The following MICOS10 variants were observed in gnomAD, a reference collection of about 807,000 sequenced individuals.
The protein encoded by MICOS10 is mitochondrial contact site and cristae organizing system subunit 10.
In MICOS10, 5 loss-of-function variants were observed where a neutral mutation model predicts 13.4. That is an observed-to-expected ratio of 0.37 (90% CI 0.20 to 0.78). The LOEUF (loss-of-function observed/expected upper bound fraction) is 0.78. Among genes scored for constraint, MICOS10 ranks in the 30% least tolerant of loss-of-function variants. The pLI is 0.47. For synonymous variants in MICOS10, 35 were observed against 33.6 expected, an observed-to-expected ratio of 1.04 and a Z score of -0.15; for missense variants, 101 against 94.6, an observed-to-expected ratio of 1.07 and a Z score of -0.28.
In MICOS10 at chr1:19,623,486, C is replaced by CATT. The variant is rs2094911488; in HGVS notation, c.127_129dup (p.Leu43dup). 4 of 1,610,592 alleles carry CATT rather than the reference C, an allele frequency of 2.5e-6. No homozygotes were observed. Among genetic ancestry groups the CATT allele is most frequent in the Non-Finnish European group, 3.4e-6 (4 of 1,178,470 alleles). ...TTTTGCTCACTAGGAAGAATGTGGCCATTAGCCTTCGGTTCTGGCATGGGA... is the reference window on the plus strand; with the variant it reads ...TTTTGCTCACTAGGAAGAATGTGGCCATTATTAGCCTTCGGTTCTGGCATGGGA... On this transcript the variant is annotated inframe_insertion, in exon 3 of 4. Coordinates refer to ENST00000322753, the MANE Select transcript of MICOS10 (RefSeq NM_001032363.4).
At chr1:19,614,079 T>G (rs2094874059) in intron 1 of MICOS10, among the ~76,000 whole-genome samples, 1 of 152,130 alleles carries the variant, frequency 6.6e-6, no homozygotes, top group South Asian at 2.1e-4. Context: ...ATATTTTATT[T>G]ATTTATTTAT....
At chr1:19,608,413 A>T in intron 1 of MICOS10, 1 of 1,259,170 alleles carries the variant, frequency 7.9e-7, no homozygotes, top group Non-Finnish European at 1.2e-6. Context: ...TCCGGGCCAC[A>T]GGAGGAAATA....
At chr1:19,597,230 C>T (rs1046183100) in intron 1 of MICOS10, 121 bp downstream of exon 1, 10 of 1,121,180 alleles carry the variant, frequency 8.9e-6, no homozygotes, top group Non-Finnish European at 1.1e-5. Context: ...CTTTTCCGGC[C>T]CCTCCGGCCA....
At chr1:19,620,921 TGA>T (rs916889719) in intron 1 of MICOS10, among the ~76,000 whole-genome samples, 1 of 152,230 alleles carries the variant, frequency 6.6e-6, no homozygotes, top group African/African-American at 2.4e-5. Flanking sequence ...TTGGGGCTTT[TGA>T]TTTCTTTGCC....
rs1479740162 is a variant in MICOS10 at position 19,627,029 on chromosome 1, C to T, written c.*628C>T. On this transcript the variant is annotated 3_prime_UTR_variant, in exon 4 of 4. Coordinates refer to ENST00000322753, the MANE Select transcript of MICOS10 (RefSeq NM_001032363.4). ...CCCACTCCATTGAAGTCAAGTCCTG[C>T]AGCTTCATAGAGCTTGAGACAGTCC... The T allele has an allele frequency of 6.5e-6, 1 of 153,494 alleles. No individual in the cohort carries two copies. Among genetic ancestry groups the T allele is most frequent in the Non-Finnish European group, 1.5e-5 (1 of 68,902 alleles). 9.5% of individuals were successfully genotyped at this position (153,494 alleles called of 1,614,324 possible).
chr1:19,604,368 GTGTGGTGGTACGCACC>G (rs1398297328), intron 1 of MICOS10, among the ~76,000 whole-genome samples: 1 of 152,226 alleles, frequency 6.6e-6, no homozygotes, highest in East Asian at 1.9e-4. Context: ...AATTAGCCAG[GTGTGGTGGTACGCACC>G]TGTAGTCCCA....
intron 1 of MICOS10, chr1:19,600,839 G>A (rs1558336318): frequency 2.7e-5 from 34 of 1,246,466 alleles, no homozygotes; most frequent in East Asian, 5.6e-5. Context: ...GGGTCCAAAC[G>A]ATCCACCTAC....
intron 1 of MICOS10, chr1:19,608,726 G>A: frequency 1.9e-6 from 1 of 540,152 alleles, no homozygotes; most frequent in Non-Finnish European, 3.3e-6. Flanking sequence ...TGATATACTG[G>A]ATTTGATAAA....
intron 1 of MICOS10, among the ~76,000 whole-genome samples, chr1:19,602,552 C>G (rs1443620115): frequency 6.6e-6 from 1 of 152,076 alleles, no homozygotes; most frequent in Non-Finnish European, 1.5e-5. Flanking sequence ...AGTGCCAAAG[C>G]CTTATTGCAG....
intron 1 of MICOS10, among the ~76,000 whole-genome samples, chr1:19,613,307 A>G (rs934054081): frequency 6.6e-6 from 1 of 152,220 alleles, no homozygotes; most frequent in African/African-American, 2.4e-5. Context: ...TAAAGTACAC[A>G]TCTGATATAT....
intron 1 of MICOS10, among the ~76,000 whole-genome samples, chr1:19,604,974 C>T (rs1048883939): frequency 3.3e-5 from 5 of 152,142 alleles, no homozygotes; most frequent in East Asian, 1.9e-4. Flanking sequence ...AGCACTTAAC[C>T]GCATGCCAGG....
chr1:19,625,575 T>C, intron 3 of MICOS10: 2 of 1,289,420 alleles, frequency 1.6e-6, no homozygotes, highest in South Asian at 2.5e-5. Flanking sequence ...CTCCTCGCTT[T>C]CCTGGCATCA....
chr1:19,618,114 T>C (rs2094890899), intron 1 of MICOS10, among the ~76,000 whole-genome samples: 1 of 146,740 alleles, frequency 6.8e-6, no homozygotes, highest in Admixed American at 6.9e-5. Flanking sequence ...ATACTACACT[T>C]TTTTTTTTTT....
intron 1 of MICOS10, among the ~76,000 whole-genome samples, chr1:19,606,498 C>T (rs187791989): frequency 1.3e-5 from 2 of 152,242 alleles, no homozygotes; most frequent in Admixed American, 6.5e-5. Context: ...GTAATCCCAG[C>T]GCTTTGGGAG....
intron 1 of MICOS10, among the ~76,000 whole-genome samples, chr1:19,600,143 G>T (rs528106360): frequency 1.3e-5 from 2 of 152,292 alleles, no homozygotes; most frequent in South Asian, 4.1e-4. Flanking sequence ...ATTTTAGTAT[G>T]ATTGTTCTGG....
chr1:19,599,204 G>A (rs2094804575), intron 1 of MICOS10, among the ~76,000 whole-genome samples: 1 of 152,082 alleles, frequency 6.6e-6, no homozygotes, highest in Non-Finnish European at 1.5e-5. Context: ...CTATAGGTGT[G>A]TGCCACCATG....
rs1039686516 is a variant in MICOS10 at position 19,627,287 on chromosome 1, C to T, written c.*886C>T. 1.3e-5 allele frequency: 2 copies of T among 152,204 alleles called. No homozygotes were observed. Among genetic ancestry groups the T allele is most frequent in the Non-Finnish European group, 2.9e-5 (2 of 68,038 alleles). 9.4% of individuals were successfully genotyped at this position (152,204 alleles called of 1,614,324 possible). A position where few individuals can be genotyped will look rare whatever the true frequency, so the allele number is the denominator to read the frequency against. The stretch of plus-strand genomic sequence containing the variant: ...GATATACAGAACCCCAGCGCTCAGC[C>T]GTTCTTATTTCTTTTTCCTTATCGT... On this transcript the variant is annotated 3_prime_UTR_variant, in exon 4 of 4. Coordinates refer to ENST00000322753, the MANE Select transcript of MICOS10 (RefSeq NM_001032363.4).
At chr1:19,610,086 T>C (rs2094853498) in intron 1 of MICOS10, among the ~76,000 whole-genome samples, 2 of 151,980 alleles carry the variant, frequency 1.3e-5, no homozygotes. Context: ...AGGTTGCAGT[T>C]AGCTGAGATC....
intron 1 of MICOS10, among the ~76,000 whole-genome samples, chr1:19,602,923 T>A (rs2094821251): frequency 6.6e-6 from 1 of 152,140 alleles, no homozygotes; most frequent in Non-Finnish European, 1.5e-5. Flanking sequence ...AGAGGTTATG[T>A]CTGTTTTCAA....
Sources: allele counts gnomAD v4.1 joint callset (sites outside exome capture counted in the v4.1 genomes callset), GRCh38; gene constraint gnomAD v4.1.1; transcripts MANE v1.5; gene names NCBI Gene and HGNC (gene_info 2026-07-23, HGNC 2026-07-21).